The following CEP112 variants were observed in gnomAD, a reference collection of about 807,000 sequenced individuals.
CEP112 encodes centrosomal protein of 112 kDa.
A neutral mutation model predicts 153.0 loss-of-function variants in CEP112; 127 were observed. The ratio of observed to expected loss-of-function variants is 0.83; its 90% CI spans 0.72 to 0.96. CEP112 has a LOEUF of 0.96. Ranked by LOEUF, CEP112 falls within the 40% of genes least tolerant of loss-of-function variation. CEP112 has a pLI of 0.00. For synonymous variants in CEP112, 358 were observed against 374.4 expected (o/e 0.96, Z 0.51); for missense variants, 1,089 against 1,101.2 (o/e 0.99, Z 0.16).
intron 4 of CEP112, among the ~76,000 whole-genome samples, chr17:66,159,330 C>T (rs957110614): frequency 6.6e-6 from 1 of 152,158 alleles, no homozygotes; most frequent in African/African-American, 2.4e-5. Context: ...AAAAGAGGGA[C>T]TCCTCCCTAA....
intron 21 of CEP112, among the ~76,000 whole-genome samples, chr17:65,793,096 C>T (rs531875201): frequency 1.3e-5 from 2 of 152,122 alleles, no homozygotes; most frequent in Admixed American, 6.5e-5. Flanking sequence ...AGACCAATAA[C>T]GGAGTAACAG....
At chr17:65,962,531 C>T (rs2062243772) in intron 17 of CEP112, among the ~76,000 whole-genome samples, 1 of 152,186 alleles carries the variant, frequency 6.6e-6, no homozygotes, top group South Asian at 2.1e-4. Context: ...TTTATAAATG[C>T]ATGCCATTTA....
intron 21 of CEP112, among the ~76,000 whole-genome samples, chr17:65,848,441 TTC>T (rs2057804221): frequency 2.0e-5 from 3 of 152,170 alleles, no homozygotes; most frequent in Non-Finnish European, 4.4e-5. Context: ...AAATGCATTC[TTC>T]TCATGTTCCT....
chr17:66,176,987 A>G lies in CEP112; in HGVS notation c.140T>C (p.Leu47Pro), dbSNP rs2146877781. 1 of 1,613,282 alleles carries G rather than the reference A, an allele frequency of 6.2e-7. No homozygotes were observed. Among genetic ancestry groups the G allele is most frequent in the African/African-American group, 1.3e-5 (1 of 75,022 alleles). Residue 47 changes from leucine (L) to proline (P), a missense_variant, in exon 3 of 27, where the codon CTG (leucine) becomes CCG (proline). By Grantham distance (98) the Leu-to-Pro change is moderately conservative. Transcript: ENST00000535342. ...RQRCALWIRK[L>P]CEPSGTGAGI... ...TGCACCTGTTCCTGAAGGTTCGCAC[A>G]GCTTTCTAATCCAAAGAGCACACCT...
Position 65,719,449 on chromosome 17 carries a change from G to A in CEP112, c.2607+23619C>T, listed in dbSNP as rs60488254. ...ATACAAAAATTAGCCCGGCGTGGTG[G>A]TGGCCAGCTGTAATCCCAGCTGCTC... is the stretch of plus-strand genomic sequence containing the variant. On this transcript the variant is annotated intron_variant, in intron 23 of 26. Transcript: ENST00000535342. 5.8e-3 allele frequency among the ~76,000 whole-genome samples: 877 copies of A among 152,282 alleles called. 10 individuals carry two copies. Among genetic ancestry groups the A allele is most frequent in the African/African-American group, 0.02 (822 of 41,556 alleles).
intron 21 of CEP112, among the ~76,000 whole-genome samples, chr17:65,823,263 A>G (rs1318580542): frequency 6.6e-6 from 1 of 152,160 alleles, no homozygotes; most frequent in Non-Finnish European, 1.5e-5. Flanking sequence ...GACAACTTAT[A>G]CTACCTATCT....
intron 21 of CEP112, among the ~76,000 whole-genome samples, chr17:65,830,848 T>C (rs1390289951): frequency 2.0e-5 from 3 of 152,222 alleles, no homozygotes; most frequent in African/African-American, 4.8e-5. Flanking sequence ...TCACTATAAG[T>C]CTTCCCCAGA....
At chr17:66,023,971 T>C (rs558421707) in intron 16 of CEP112, among the ~76,000 whole-genome samples, 9 of 152,262 alleles carry the variant, frequency 5.9e-5, no homozygotes, top group Middle Eastern at 3.4e-3. Flanking sequence ...TAATACACCA[T>C]GATCAAGTGG....
chr17:65,690,113 C>CAAAAAAAAAAAAAAAAAAAAAAAAAAA (rs67399289), intron 23 of CEP112, among the ~76,000 whole-genome samples: 2 of 62,584 alleles, frequency 3.2e-5, no homozygotes, highest in Admixed American at 2.1e-4. Flanking sequence ...GAAAACAGAC[C>CAAAAAAAAAAAAAAAAAAAAAAAAAAA]AAAAAAAAAA....
chr17:65,801,684 G>C (rs1420765601), intron 21 of CEP112, among the ~76,000 whole-genome samples: 1 of 152,096 alleles, frequency 6.6e-6, no homozygotes, highest in Non-Finnish European at 1.5e-5. Flanking sequence ...AGGGCTTTTA[G>C]TATTTCATTC....
In CEP112 at chr17:66,165,568, G is replaced by A. The variant is rs971485896; in HGVS notation, c.470+9476C>T. Among the ~76,000 whole-genome samples the A allele has an allele frequency of 4.1e-4, 62 of 152,196 alleles. 1 individual carries two copies. Among genetic ancestry groups the A allele is most frequent in the Admixed American group, 2.6e-4 (4 of 15,278 alleles). On this transcript the variant is annotated intron_variant, in intron 4 of 26. Coordinates refer to ENST00000535342, the MANE Select transcript of CEP112 (RefSeq NM_001199165.4). Reference sequence around the variant, plus strand: ...AATTTCAGGAGGAGCAATTTATAATGTTATATAGTATCATTTACATATAAA... The same window carrying A: ...AATTTCAGGAGGAGCAATTTATAATATTATATAGTATCATTTACATATAAA...
chr17:65,769,277 A>G (rs977126408), intron 21 of CEP112, among the ~76,000 whole-genome samples: 1 of 152,080 alleles, frequency 6.6e-6, no homozygotes, highest in African/African-American at 2.4e-5. Flanking sequence ...AAGAGGACAC[A>G]AAGAAATAAG....
At chr17:66,083,577 G>A (rs540171265) in intron 8 of CEP112, among the ~76,000 whole-genome samples, 49 of 152,136 alleles carry the variant, frequency 3.2e-4, no homozygotes, top group Non-Finnish European at 5.3e-4. Context: ...GGTCAGGCGC[G>A]GTGGCTCACG....
intron 17 of CEP112, among the ~76,000 whole-genome samples, chr17:65,976,101 G>C (rs761693857): frequency 1.3e-5 from 2 of 152,240 alleles, no homozygotes; most frequent in Non-Finnish European, 1.5e-5. Context: ...GGACAAGCAA[G>C]TGTGAACACA....
chr17:65,891,490 C>G (rs2059464799), intron 20 of CEP112, among the ~76,000 whole-genome samples: 1 of 152,098 alleles, frequency 6.6e-6, no homozygotes, highest in African/African-American at 2.4e-5. Flanking sequence ...TACAGCTGCT[C>G]AAACCAAAAC....
At chr17:65,772,694 T>G (rs2053441070) in intron 21 of CEP112, among the ~76,000 whole-genome samples, 1 of 151,968 alleles carries the variant, frequency 6.6e-6, no homozygotes, top group Non-Finnish European at 1.5e-5. Flanking sequence ...GAGGACCTTC[T>G]CCGGGTTAGG....
intron 21 of CEP112, among the ~76,000 whole-genome samples, chr17:65,776,779 TTATA>T (rs1293588885): frequency 2.9e-5 from 3 of 103,992 alleles, no homozygotes; most frequent in Non-Finnish European, 7.8e-5. Flanking sequence ...TTAGAGATTT[TTATA>T]AATATTGTCA....
intron 21 of CEP112, among the ~76,000 whole-genome samples, chr17:65,835,167 A>G (rs1210764986): frequency 1.4e-5 from 2 of 146,934 alleles, no homozygotes; most frequent in African/African-American, 2.5e-5. Context: ...AAACCTTCAC[A>G]TGTACCCCCA....
At chr17:66,127,366 T>C (rs1019013883) in intron 6 of CEP112, among the ~76,000 whole-genome samples, 3 of 152,234 alleles carry the variant, frequency 2.0e-5, no homozygotes, top group African/African-American at 7.2e-5. Flanking sequence ...AATTTGTCTT[T>C]CTGAAGGATT....
Sources: allele counts gnomAD v4.1 joint callset (sites outside exome capture counted in the v4.1 genomes callset), GRCh38; gene constraint gnomAD v4.1.1; transcripts MANE v1.5; gene names NCBI Gene and HGNC (gene_info 2026-07-23, HGNC 2026-07-21).